Variants in RYR2 observed in about 807,000 individuals in gnomAD.
The protein encoded by RYR2 is cardiac muscle ryanodine receptor-calcium release channel.
A neutral mutation model predicts 601.1 loss-of-function variants in RYR2; 227 were observed. The ratio of observed to expected loss-of-function variants is 0.38; its 90% CI spans 0.34 to 0.42. The LOEUF (loss-of-function observed/expected upper bound fraction) is 0.42, where lower values mean the gene tolerates loss of function less well. Among genes scored for constraint, RYR2 ranks in the 10% least tolerant of loss-of-function variants. RYR2 has a pLI of 1.00. For missense variants in RYR2, 4,646 were observed against 6,156.5 expected (o/e 0.75, Z 8.21); for synonymous variants, 2,223 against 2,175.1 (o/e 1.02, Z -0.61).
At chr1:237,801,155 ATGCAAT>A (rs1490328182) in intron 97 of RYR2, among the ~76,000 whole-genome samples, 1 of 148,416 alleles carries the variant, frequency 6.7e-6, no homozygotes, top group Non-Finnish European at 1.5e-5. Flanking sequence ...TTCTGTTGGA[ATGCAAT>A]TGCAAGTGCA....
intron 1 of RYR2, among the ~76,000 whole-genome samples, chr1:237,098,381 GTGTGTA>G (rs777710231): frequency 0.12 from 7,624 of 63,110 alleles, 254 homozygotes; most frequent in South Asian, 0.28. Context: ...AGTTGCCATT[GTGTGTA>G]TGTGTGTGTG....
intron 11 of RYR2, 71 bp downstream of exon 11, chr1:237,417,194 C>T (rs893571103): frequency 6.6e-6 from 8 of 1,209,208 alleles, no homozygotes; most frequent in Middle Eastern, 1.9e-4. Context: ...GCTTCTGTGT[C>T]AGCCTGTGAT....
intron 1 of RYR2, among the ~76,000 whole-genome samples, chr1:237,171,437 A>T (rs370747933): frequency 2.0e-5 from 3 of 152,118 alleles, no homozygotes; most frequent in African/African-American, 7.2e-5. Context: ...CCTGTTGATG[A>T]TCACCTCTAG....
chr1:237,817,368 T>G, intron 100 of RYR2, among the ~76,000 whole-genome samples: 1 of 152,180 alleles, frequency 6.6e-6, no homozygotes, highest in East Asian at 1.9e-4. Flanking sequence ...TAAAGTGTCC[T>G]GAGAATGTGA....
chr1:237,164,773 A>T (rs1676467717), intron 1 of RYR2, among the ~76,000 whole-genome samples: 1 of 152,210 alleles, frequency 6.6e-6, no homozygotes, highest in African/African-American at 2.4e-5. Flanking sequence ...AGTTCAGGCC[A>T]GACCTCAAAG....
At chr1:237,496,453 G>A in intron 19 of RYR2, 58 bp from the exon 20 acceptor site, 1 of 1,594,330 alleles carries the variant, frequency 6.3e-7, no homozygotes, top group Non-Finnish European at 8.6e-7. Flanking sequence ...AGATGTAAAT[G>A]AAAACAATGA....
rs201829896 is a variant in RYR2 at position 237,784,554 on chromosome 1, C to T, written c.12842C>T (p.Thr4281Met). Reference protein sequence around the residue: ...VKKMTVKDMVTAFFSSYWSIF... With the variant: ...VKKMTVKDMVMAFFSSYWSIF... Reference sequence around the variant, plus strand: ...AAGATGACCGTGAAGGACATGGTCACGGCCTTCTTTTCATCCTACTGGAGT... The same window carrying T: ...AAGATGACCGTGAAGGACATGGTCATGGCCTTCTTTTCATCCTACTGGAGT... Residue 4281 changes from threonine (T) to methionine (M), a missense_variant, in exon 90 of 105, where the codon ACG becomes ATG. Thr to Met is a moderately conservative substitution (Grantham distance 81, BLOSUM62 -1). Around this residue, in one of 17 missense-constraint regions of RYR2, gnomAD observed 364 missense variants for 442.9 expected, o/e 0.82. Transcript: ENST00000366574. The surrounding 1 kb of genome is among the most constrained non-coding windows in gnomAD (Gnocchi z 7.1). 5.0e-5 allele frequency: 81 copies of T among 1,613,800 alleles called. No individual in the cohort carries two copies. In the African/African-American group the frequency reaches 8.1e-4, roughly 16 times the overall value.
chr1:237,207,679 A>T (rs1475445733), intron 1 of RYR2, among the ~76,000 whole-genome samples: 1 of 152,136 alleles, frequency 6.6e-6, no homozygotes, highest in Non-Finnish European at 1.5e-5. Flanking sequence ...GAAAAAATAA[A>T]TTTCTGTTCT....
chr1:237,587,800 A>G (rs990031195), intron 29 of RYR2, among the ~76,000 whole-genome samples: 2 of 152,204 alleles, frequency 1.3e-5, no homozygotes, highest in Admixed American at 6.5e-5. Flanking sequence ...CAAATAGCCA[A>G]AGGTCAACTA....
chr1:237,600,527 G>A (rs1676387785), intron 34 of RYR2, among the ~76,000 whole-genome samples: 1 of 152,174 alleles, frequency 6.6e-6, no homozygotes, highest in African/African-American at 2.4e-5. Flanking sequence ...AACACTTCAT[G>A]ACATTGGACT....
chr1:237,827,599 C>T (rs1361759140), intron 101 of RYR2, among the ~76,000 whole-genome samples: 2 of 139,770 alleles, frequency 1.4e-5, no homozygotes, highest in African/African-American at 5.4e-5. Context: ...CACCGCACTC[C>T]AGCCTGGGTG....
chr1:237,367,535 T>C (rs1300557748), intron 5 of RYR2, among the ~76,000 whole-genome samples: 1 of 152,192 alleles, frequency 6.6e-6, no homozygotes, highest in Admixed American at 6.5e-5. Flanking sequence ...GATATTTGTT[T>C]AATAAAAAGG....
chr1:237,346,560 C>T (rs1698330592), intron 3 of RYR2, among the ~76,000 whole-genome samples: 1 of 151,908 alleles, frequency 6.6e-6, no homozygotes, highest in Admixed American at 6.6e-5. Context: ...AAACCCTTTC[C>T]TTGTATTGAG....
At chr1:237,511,036 T>C (rs1665838928) in intron 23 of RYR2, among the ~76,000 whole-genome samples, 1 of 152,218 alleles carries the variant, frequency 6.6e-6, no homozygotes, top group Non-Finnish European at 1.5e-5. Context: ...CGTTAATTGA[T>C]GTCTGTAATC....
chr1:237,292,181 G>A (rs988113903), intron 2 of RYR2, among the ~76,000 whole-genome samples: 1 of 152,178 alleles, frequency 6.6e-6, no homozygotes, highest in Non-Finnish European at 1.5e-5. Context: ...GTGGATTCAA[G>A]CAATGTTATA....
chr1:237,333,136 T>C (rs1696914165), intron 3 of RYR2, among the ~76,000 whole-genome samples: 1 of 152,236 alleles, frequency 6.6e-6, no homozygotes, highest in African/African-American at 2.4e-5. Context: ...TTGAACACTA[T>C]TTTATAAAGC....
At chr1:237,173,456 C>A (rs1677648654) in intron 1 of RYR2, among the ~76,000 whole-genome samples, 2 of 152,178 alleles carry the variant, frequency 1.3e-5, no homozygotes, top group South Asian at 4.1e-4. Flanking sequence ...GACTCCTACA[C>A]TTGAAAAGTG....
chr1:237,047,389 CTTT>C (rs3056166), intron 1 of RYR2, among the ~76,000 whole-genome samples: 33 of 123,666 alleles, frequency 2.7e-4, no homozygotes, highest in East Asian at 9.7e-4. Flanking sequence ...CCTTTCTAGC[CTTT>C]TTTTTTTTTT....
chr1:237,760,930 G>GT lies in RYR2; in HGVS notation c.11403-16dup, dbSNP rs563753018. On this transcript the variant is annotated intron_variant, in intron 83 of 104. Transcript: ENST00000366574. ...AAAATGTTCTATTAGTCCTCTAAATGTTTTTTTTTCCCTTGTTATTATAGT... is the reference window on the plus strand; with the variant it reads ...AAAATGTTCTATTAGTCCTCTAAATGTTTTTTTTTTCCCTTGTTATTATAGT... 4,772 of 1,408,078 alleles carry GT rather than the reference G, an allele frequency of 3.4e-3. 1 individual carries two copies. The highest frequency in any genetic ancestry group is 3.5e-3 in the African/African-American group (245 of 69,176). The allele number at this position is 1,408,078 out of a possible 1,614,324, so 87.2% of individuals were successfully genotyped here.
Sources: allele counts gnomAD v4.1 joint callset (sites outside exome capture counted in the v4.1 genomes callset), GRCh38; gene constraint gnomAD v4.1.1; regional missense constraint gnomAD v4.1.1; non-coding constraint Gnocchi (gnomAD v3.1); transcripts MANE v1.5; gene names NCBI Gene and HGNC (gene_info 2026-07-23, HGNC 2026-07-21).